Variants in ACAP2 observed in about 807,000 individuals in gnomAD.
The protein encoded by ACAP2 is arf-GAP with coiled-coil, ANK repeat and PH domain-containing protein 2.
ACAP2 carries 39 observed loss-of-function variants against 115.8 expected under a neutral mutation model. That is an observed-to-expected ratio of 0.34 (90% CI 0.26 to 0.44). ACAP2 has a LOEUF of 0.44. Ranked by LOEUF, ACAP2 falls within the 20% of genes least tolerant of loss-of-function variation. The pLI, the probability that ACAP2 is intolerant of heterozygous loss-of-function variation, is 1.00. For missense variants in ACAP2, 662 were observed against 927.6 expected, an observed-to-expected ratio of 0.71 and a Z score of 3.72; for synonymous variants, 289 against 315.8, an observed-to-expected ratio of 0.92 and a Z score of 0.90.
chr3:195,359,788 G>C (rs1732230325), intron 4 of ACAP2, among the ~76,000 whole-genome samples: 3 of 152,050 alleles, frequency 2.0e-5, no homozygotes, highest in Admixed American at 6.6e-5. Flanking sequence ...GTTTTTATTA[G>C]TTTTCTTTTT....
chr3:195,351,441 CGTGTGTGTGTGT>C (rs56049053), intron 4 of ACAP2, among the ~76,000 whole-genome samples: 7,884 of 129,954 alleles, frequency 0.061, 603 homozygotes, highest in African/African-American at 0.18. Context: ...TTTTCTTTTT[CGTGTGTGTGTGT>C]GTGTGTGTGT....
At chr3:195,371,355 G>A (rs914473738) in intron 4 of ACAP2, among the ~76,000 whole-genome samples, 4 of 152,044 alleles carry the variant, frequency 2.6e-5, no homozygotes, top group Admixed American at 6.5e-5. Context: ...ATTGGCTCTC[G>A]GGTTGGATGT....
chr3:195,392,377 A>G (rs771383403), intron 1 of ACAP2, among the ~76,000 whole-genome samples: 17 of 152,242 alleles, frequency 1.1e-4, no homozygotes, highest in Admixed American at 9.8e-4. Context: ...ATTTATACTC[A>G]AAGCATTAGT....
chr3:195,407,140 C>A (rs778551031), intron 1 of ACAP2, among the ~76,000 whole-genome samples: 1 of 149,538 alleles, frequency 6.7e-6, no homozygotes, highest in Non-Finnish European at 1.5e-5. Flanking sequence ...TTAAATAATT[C>A]TTATTAGTGA....
intron 4 of ACAP2, among the ~76,000 whole-genome samples, chr3:195,355,354 A>G (rs1731891107): frequency 7.4e-6 from 1 of 135,970 alleles, no homozygotes; most frequent in South Asian, 2.2e-4. Flanking sequence ...TCTTTTCTAT[A>G]TTAAACTGCT....
chr3:195,396,793 G>A (rs113390469), intron 1 of ACAP2, among the ~76,000 whole-genome samples: 1,809 of 91,784 alleles, frequency 0.02, 1 homozygote, highest in Middle Eastern at 0.045. Context: ...TCTCAAAAAA[G>A]AAAAAAAAAA....
At chr3:195,427,604 T>C (rs1714780974) in intron 1 of ACAP2, among the ~76,000 whole-genome samples, 1 of 152,138 alleles carries the variant, frequency 6.6e-6, no homozygotes, top group Non-Finnish European at 1.5e-5. Flanking sequence ...AACACAATGT[T>C]ATTTGTGTAT....
At chr3:195,309,009 G>GCAAGT (rs1553847632) in intron 10 of ACAP2, among the ~76,000 whole-genome samples, 172 bp from the exon 11 acceptor site, 8 of 151,574 alleles carry the variant, frequency 5.3e-5, no homozygotes, top group Admixed American at 2.6e-4. Flanking sequence ...GAAAACTACT[G>GCAAGT]AAAGAACAAA....
In ACAP2 at chr3:195,381,989, C is replaced by T; in HGVS notation, c.145G>A (p.Gly49Arg). 1 of 1,608,828 alleles carries T rather than the reference C, an allele frequency of 6.2e-7. No individual in the cohort carries two copies. The highest frequency in any genetic ancestry group is 1.7e-5 in the Admixed American group (1 of 58,742). The change falls in exon 3 of 23, where the codon GGA becomes AGA. Residue 49 changes from glycine to arginine, a missense_variant. By Grantham distance (125) the Gly-to-Arg change is moderately radical. Coordinates refer to ENST00000326793, the MANE Select transcript of ACAP2 (RefSeq NM_012287.6). ...VKLCIAMIDT[G>R]KAFCVANKQF... Reference sequence around the variant, plus strand: ...TTATTTGCAACACAAAAGGCTTTTCCAGTATCAATCATTGCAATACAAAGT... The same window carrying T: ...TTATTTGCAACACAAAAGGCTTTTCTAGTATCAATCATTGCAATACAAAGT...
chr3:195,279,467 C>T, intron 22 of ACAP2, 39 bp from the exon 23 acceptor site: 1 of 1,303,948 alleles, frequency 7.7e-7, no homozygotes, highest in South Asian at 1.3e-5. Context: ...AACATTTACA[C>T]AAGTATTAAT....
chr3:195,284,450 G>A (rs533785849), intron 22 of ACAP2, among the ~76,000 whole-genome samples: 18 of 152,174 alleles, frequency 1.2e-4, no homozygotes, highest in African/African-American at 4.1e-4. Context: ...CTTCCATCTC[G>A]GAACATCATG....
At chr3:195,345,364 T>C (rs770231967) in intron 4 of ACAP2, 47 bp from the exon 5 acceptor site, 24 of 1,208,532 alleles carry the variant, frequency 2.0e-5, no homozygotes, top group African/African-American at 3.0e-5. Flanking sequence ...GTAAACAAAA[T>C]AATTTTCTTA....
At chr3:195,358,139 C>T (rs1732112052) in intron 4 of ACAP2, among the ~76,000 whole-genome samples, 1 of 152,120 alleles carries the variant, frequency 6.6e-6, no homozygotes, top group Non-Finnish European at 1.5e-5. Context: ...CTATAAGTGT[C>T]CAAGAACTAC....
intron 4 of ACAP2, among the ~76,000 whole-genome samples, chr3:195,378,114 A>AAGGT: frequency 7.2e-6 from 1 of 138,020 alleles, no homozygotes; most frequent in African/African-American, 3.2e-5. Context: ...GGAAGGAAGG[A>AAGGT]GAGAGAAAGA....
Position 195,320,812 on chromosome 3 carries a change from T to TCCTA in ACAP2, c.745-3_745dup (p.Asp249ValfsTer6). On this transcript the variant is annotated frameshift_variant and splice_region_variant, in exon 10 of 23. Coordinates refer to ENST00000326793, the MANE Select transcript of ACAP2 (RefSeq NM_012287.6). LOFTEE classifies it high-confidence loss of function. ...TAACTTAGAATCATCACTGGAGAAA[T>TCCTA]CCTACACAAAATAACACATAAAGAA... 1 of 1,606,542 alleles carries TCCTA rather than the reference T, an allele frequency of 6.2e-7. No individual in the cohort carries two copies. Among genetic ancestry groups the TCCTA allele is most frequent in the Non-Finnish European group, 8.5e-7 (1 of 1,173,782 alleles).
chr3:195,402,267 G>C (rs1342602000), intron 1 of ACAP2, among the ~76,000 whole-genome samples: 1 of 152,042 alleles, frequency 6.6e-6, no homozygotes, highest in Admixed American at 6.6e-5. Context: ...ACGCAAAATG[G>C]TGATCTCCCT....
chr3:195,421,632 C>CA (rs1714199440), intron 1 of ACAP2, among the ~76,000 whole-genome samples: 1 of 152,186 alleles, frequency 6.6e-6, no homozygotes, highest in Non-Finnish European at 1.5e-5. Context: ...GATTGATGAG[C>CA]AAGAAATCTC....
At chr3:195,417,133 T>G (rs1713802892) in intron 1 of ACAP2, among the ~76,000 whole-genome samples, 1 of 149,756 alleles carries the variant, frequency 6.7e-6, no homozygotes, top group African/African-American at 2.5e-5. Context: ...GGTCTCCCAT[T>G]GTTGCCCTAG....
chr3:195,385,388 T>TAAAAA (rs57423683), intron 2 of ACAP2, among the ~76,000 whole-genome samples: 3 of 113,942 alleles, frequency 2.6e-5, no homozygotes, highest in Non-Finnish European at 1.9e-5. Flanking sequence ...ACAAACTTAG[T>TAAAAA]AAAAAAAAAA....
Sources: allele counts gnomAD v4.1 joint callset (sites outside exome capture counted in the v4.1 genomes callset), GRCh38; gene constraint gnomAD v4.1.1; transcripts MANE v1.5; gene names NCBI Gene and HGNC (gene_info 2026-07-23, HGNC 2026-07-21).